The following FBXO21 variants were observed in gnomAD, a reference collection of about 807,000 sequenced individuals.
FBXO21 encodes F-box protein 21, also known as F-box only protein 21.
In FBXO21, 32 loss-of-function variants were observed where a neutral mutation model predicts 76.6. The observed-to-expected ratio is 0.42, with a 90% confidence interval of 0.32 to 0.56. FBXO21 has a LOEUF of 0.56. Among genes scored for constraint, FBXO21 ranks in the 20% least tolerant of loss-of-function variants. The probability of loss-of-function intolerance (pLI) is 0.16; values close to 1 mark genes in which losing one functional copy is unlikely to be tolerated. For missense variants in FBXO21, 586 were observed against 797.3 expected (o/e 0.73, Z 3.19); for synonymous variants, 328 against 311.5 (o/e 1.05, Z -0.56).
At chr12:117,183,546 A>G (rs764373785) in intron 3 of FBXO21, among the ~76,000 whole-genome samples, 3 of 152,282 alleles carry the variant, frequency 2.0e-5, no homozygotes, top group Non-Finnish European at 2.9e-5. Context: ...GGCGTGAGCC[A>G]CTGCACCCGG....
At chr12:117,184,388 G>A (rs1324143198) in intron 3 of FBXO21, among the ~76,000 whole-genome samples, 1 of 151,992 alleles carries the variant, frequency 6.6e-6, no homozygotes, top group African/African-American at 2.4e-5. Context: ...CCATTCCCAG[G>A]ACTCTACTGC....
intron 11 of FBXO21, among the ~76,000 whole-genome samples, chr12:117,146,632 C>A (rs1213786595): frequency 6.6e-6 from 1 of 152,200 alleles, no homozygotes; most frequent in Non-Finnish European, 1.5e-5. Flanking sequence ...TTATCCCTGC[C>A]TGCTCTTTTT....
At chr12:117,177,494 G>A (rs1012378012) in intron 4 of FBXO21, 26 bp downstream of exon 4, 6 of 1,604,584 alleles carry the variant, frequency 3.7e-6, no homozygotes, top group Non-Finnish European at 5.1e-6. Flanking sequence ...AAATACTACT[G>A]TCCACATATA....
intron 6 of FBXO21, 29 bp downstream of exon 6, chr12:117,174,176 T>C (rs201139331): frequency 4.4e-5 from 69 of 1,552,074 alleles, no homozygotes; most frequent in Non-Finnish European, 1.6e-5. Flanking sequence ...TATATTACTA[T>C]ACCCATATAT....
chr12:117,148,601 A>T (rs1955805267), intron 11 of FBXO21, among the ~76,000 whole-genome samples: 1 of 152,250 alleles, frequency 6.6e-6, no homozygotes, highest in Admixed American at 6.5e-5. Flanking sequence ...CAGACCCCAC[A>T]GCGGTGTCAC....
intron 9 of FBXO21, among the ~76,000 whole-genome samples, chr12:117,158,666 C>A (rs1401634625): frequency 6.6e-6 from 1 of 152,146 alleles, no homozygotes; most frequent in Non-Finnish European, 1.5e-5. Context: ...AAGGAGGGAG[C>A]CACGTATATC....
rs753805100 is a variant in FBXO21 at position 117,190,326 on chromosome 12, C to T, written c.131G>A (p.Cys44Tyr). The T allele has an allele frequency of 6.5e-7, 1 of 1,540,730 alleles. No homozygotes were observed. The change falls in exon 1 of 12, where the codon TGC becomes TAC. Residue 44 changes from cysteine (C) to tyrosine (Y), a missense_variant. By Grantham distance (194) the Cys-to-Tyr change is radical (BLOSUM62 -2). Coordinates refer to ENST00000622495, the MANE Select transcript of FBXO21 (RefSeq NM_015002.3). ...GATGTCGGCGGCCGTCAGCGAGCCG[C>T]AGCACAGGATGTACTCCAGCACCTC... ...PGEVLEYILC[C>Y]GSLTAADIGR...
chr12:117,177,994 G>A (rs887641751), intron 3 of FBXO21, among the ~76,000 whole-genome samples: 1 of 152,140 alleles, frequency 6.6e-6, no homozygotes, highest in Admixed American at 6.5e-5. Context: ...TTGGGCCTGG[G>A]CACTCACTGC....
chr12:117,154,023 T>C (rs1955880648), intron 11 of FBXO21, among the ~76,000 whole-genome samples: 3 of 152,218 alleles, frequency 2.0e-5, no homozygotes, highest in Admixed American at 6.5e-5. Flanking sequence ...GGTAAAGCCA[T>C]AGACACTGGC....
rs768706709 is a variant in FBXO21 at position 117,190,448 on chromosome 12, C to T, written c.9G>A (p.Ala3=). The T allele has an allele frequency of 5.1e-6, 7 of 1,362,706 alleles. No homozygotes were observed. The highest frequency in any genetic ancestry group is 4.9e-6 in the Non-Finnish European group (5 of 1,019,208). The allele number at this position is 1,362,706 out of a possible 1,614,324, so 84.4% of individuals were successfully genotyped here. MA[A]AAVDSAMEVV... is the part of the protein sequence containing the mutation. Reference sequence around the variant, plus strand: ...CCTCCATCGCGCTGTCGACTGCTGCCGCCGCCATCTTGTCCGCGTACCTGG... The same window carrying T: ...CCTCCATCGCGCTGTCGACTGCTGCTGCCGCCATCTTGTCCGCGTACCTGG... The change falls in exon 1 of 12, where the codon GCG becomes GCA. Residue 3 remains alanine, a synonymous_variant. Coordinates refer to ENST00000622495, the MANE Select transcript of FBXO21 (RefSeq NM_015002.3).
In FBXO21 at chr12:117,158,140, C is replaced by T. The variant is rs368003364; in HGVS notation, c.1327-77G>A. On this transcript the variant is annotated intron_variant, in intron 9 of 11. Coordinates refer to ENST00000622495, the MANE Select transcript of FBXO21 (RefSeq NM_015002.3). ...TCTTTTTTGCGGCGAGGGATTTAGA[C>T]CTACCTACGTAACCTAACAAAGCAA... 8.7e-4 allele frequency: 1,334 copies of T among 1,534,362 alleles called. 16 individuals are homozygous for T. The South Asian group carries it at 0.015, about 17-fold the overall frequency.
At chr12:117,172,378 G>T in intron 7 of FBXO21, 93 bp downstream of exon 7, 1 of 1,437,338 alleles carries the variant, frequency 7.0e-7, no homozygotes, top group African/African-American at 1.4e-5. Flanking sequence ...AACCTGTGTG[G>T]TAACACCCAA....
chr12:117,153,745 A>G (rs1236774964), intron 11 of FBXO21, among the ~76,000 whole-genome samples: 2 of 152,270 alleles, frequency 1.3e-5, no homozygotes, highest in Non-Finnish European at 2.9e-5. Context: ...GAACTCTCAT[A>G]GTGTAGGAAC....
intron 8 of FBXO21, 24 bp from the exon 9 acceptor site, chr12:117,165,641 G>A: frequency 6.4e-7 from 1 of 1,554,924 alleles, no homozygotes; most frequent in Non-Finnish European, 8.8e-7. Context: ...AACAATGTTT[G>A]TCTCATCCTG....
At chr12:117,165,374 A>C in intron 9 of FBXO21, 111 bp downstream of exon 9, 1 of 1,119,430 alleles carries the variant, frequency 8.9e-7, no homozygotes. Context: ...AGACTGAATA[A>C]ATTTGTGTTT....
At position 117,178,197 on chromosome 12, in the gene FBXO21, C is replaced by G. The variant is rs1345904474; in HGVS notation, c.471-556G>C. Among the ~76,000 whole-genome samples, 5 of 152,190 alleles carry G rather than the reference C, an allele frequency of 3.3e-5. No homozygotes were observed. The East Asian group carries it at 9.6e-4, about 29-fold the overall frequency. On this transcript the variant is annotated intron_variant, in intron 3 of 11. Coordinates refer to ENST00000622495, the MANE Select transcript of FBXO21 (RefSeq NM_015002.3). Reference sequence around the variant, plus strand: ...CTCTGATCAAGGCATCTCCATCATTCTAGTGAGGCATAAAACCTGCGAGTC... The same window carrying G: ...CTCTGATCAAGGCATCTCCATCATTGTAGTGAGGCATAAAACCTGCGAGTC...
Position 117,172,453 on chromosome 12 carries a change from T to A in FBXO21, c.1013+18A>T. 1 of 1,607,558 alleles carries A rather than the reference T, an allele frequency of 6.2e-7. No homozygotes were observed. The highest frequency in any genetic ancestry group is 8.5e-7 in the Non-Finnish European group (1 of 1,175,562). ...ACCAAATCTTCAGGACCACAGATAA[T>A]GTGTCACGGATGCTCACCCTTCTGC... is the stretch of plus-strand genomic sequence containing the variant. On this transcript the variant is annotated intron_variant, in intron 7 of 11. Coordinates refer to ENST00000622495, the MANE Select transcript of FBXO21 (RefSeq NM_015002.3).
chr12:117,179,011 A>G (rs933047096), intron 3 of FBXO21, among the ~76,000 whole-genome samples: 10 of 152,198 alleles, frequency 6.6e-5, no homozygotes, highest in Non-Finnish European at 1.5e-5. Context: ...TCTTCACCAC[A>G]TATCCCAAAT....
intron 4 of FBXO21, among the ~76,000 whole-genome samples, chr12:117,175,541 C>G (rs982447588): frequency 6.6e-6 from 1 of 152,242 alleles, no homozygotes; most frequent in Admixed American, 6.5e-5. Context: ...ACCTGGACTC[C>G]CTTACCAATG....
Sources: allele counts gnomAD v4.1 joint callset (sites outside exome capture counted in the v4.1 genomes callset), GRCh38; gene constraint gnomAD v4.1.1; transcripts MANE v1.5; gene names NCBI Gene and HGNC (gene_info 2026-07-23, HGNC 2026-07-21).